Variants in MARCHF1 observed in about 807,000 individuals in gnomAD.
MARCHF1 encodes the protein E3 ubiquitin-protein ligase MARCHF1.
Under a neutral mutation model 54.2 loss-of-function variants are expected in MARCHF1, and 40 were observed. The ratio of observed to expected loss-of-function variants is 0.74; its 90% CI spans 0.57 to 0.96. The LOEUF (loss-of-function observed/expected upper bound fraction) is 0.96. Among genes scored for constraint, MARCHF1 ranks in the 40% least tolerant of loss-of-function variants. MARCHF1 has a pLI of 0.00. For synonymous variants in MARCHF1, 236 were observed against 236.3 expected (o/e 1.00, Z 0.01); for missense variants, 586 against 656.5 (o/e 0.89, Z 1.17).
At chr4:164,069,528 A>G (rs1754814719) in intron 2 of MARCHF1, among the ~76,000 whole-genome samples, 1 of 151,974 alleles carries the variant, frequency 6.6e-6, no homozygotes, top group Non-Finnish European at 1.5e-5. Flanking sequence ...AACTCCAGAC[A>G]CGCCGCCTTA....
intron 1 of MARCHF1, among the ~76,000 whole-genome samples, chr4:164,336,314 A>G (rs191805163): frequency 6.6e-6 from 1 of 152,314 alleles, no homozygotes; most frequent in Non-Finnish European, 1.5e-5. Flanking sequence ...GGTTAAGACA[A>G]AAAAAGGAAT....
intron 7 of MARCHF1, among the ~76,000 whole-genome samples, chr4:163,600,474 G>A (rs148120259): frequency 6.6e-6 from 1 of 152,218 alleles, no homozygotes; most frequent in African/African-American, 2.4e-5. Context: ...ATGTCTCAGG[G>A]CTTTTCTAGC....
intron 1 of MARCHF1, among the ~76,000 whole-genome samples, chr4:164,248,934 C>A (rs1321223721): frequency 6.6e-6 from 1 of 151,734 alleles, no homozygotes; most frequent in East Asian, 1.9e-4. Flanking sequence ...TTTAAAAATT[C>A]ATAATTCATT....
chr4:163,700,773 T>G (rs976639204), intron 5 of MARCHF1, 40 bp downstream of exon 5: 2 of 1,441,090 alleles, frequency 1.4e-6, no homozygotes, highest in African/African-American at 1.4e-5. Flanking sequence ...ACTCATGAAG[T>G]GCAGAAGTCA....
intron 2 of MARCHF1, among the ~76,000 whole-genome samples, chr4:164,069,593 C>T (rs551942795): frequency 2.0e-5 from 3 of 152,168 alleles, no homozygotes; most frequent in Admixed American, 2.0e-4. Context: ...GCCAGTGAGA[C>T]CACGAACCCA....
At chr4:163,718,077 G>A (rs1364223913) in intron 4 of MARCHF1, among the ~76,000 whole-genome samples, 2 of 152,156 alleles carry the variant, frequency 1.3e-5, no homozygotes, top group Non-Finnish European at 2.9e-5. Flanking sequence ...AATCAATGGT[G>A]CTGGGAAAAC....
intron 2 of MARCHF1, among the ~76,000 whole-genome samples, chr4:164,058,818 C>T (rs1185845313): frequency 6.6e-6 from 1 of 152,170 alleles, no homozygotes; most frequent in Non-Finnish European, 1.5e-5. Flanking sequence ...TTGGTAAAGT[C>T]TCTGATGCAA....
intron 8 of MARCHF1, among the ~76,000 whole-genome samples, chr4:163,578,027 G>A (rs1295798329): frequency 6.6e-6 from 1 of 151,920 alleles, no homozygotes; most frequent in Non-Finnish European, 1.5e-5. Context: ...TTGTAAGTGT[G>A]TGTGTGTGTG....
intron 3 of MARCHF1, among the ~76,000 whole-genome samples, chr4:163,917,518 G>T (rs188723994): frequency 6.6e-6 from 1 of 152,144 alleles, no homozygotes; most frequent in South Asian, 2.1e-4. Flanking sequence ...CACATAAAAT[G>T]TTGAGAATCT....
intron 4 of MARCHF1, among the ~76,000 whole-genome samples, chr4:163,724,275 C>T (rs964662676): frequency 1.3e-5 from 2 of 152,188 alleles, no homozygotes; most frequent in African/African-American, 2.4e-5. Context: ...GCTGGAGGTC[C>T]ACTCTAGACC....
chr4:163,545,412 A>C (rs1312112142), intron 9 of MARCHF1, among the ~76,000 whole-genome samples, 184 bp downstream of exon 9: 1 of 152,228 alleles, frequency 6.6e-6, no homozygotes, highest in Non-Finnish European at 1.5e-5. Context: ...GACTCCATAT[A>C]GTTAATGCTT....
chr4:163,888,046 T>C (rs1481032599), intron 3 of MARCHF1, among the ~76,000 whole-genome samples: 1 of 152,210 alleles, frequency 6.6e-6, no homozygotes, highest in African/African-American at 2.4e-5. Context: ...AGGAAAGTAC[T>C]GACTTAAAAA....
At chr4:163,920,807 A>C (rs958025384) in intron 3 of MARCHF1, among the ~76,000 whole-genome samples, 1 of 152,194 alleles carries the variant, frequency 6.6e-6, no homozygotes, top group African/African-American at 2.4e-5. Flanking sequence ...TGCTAAAATA[A>C]ATCTGAAAAA....
At chr4:163,548,801 G>A (rs1214912872) in intron 8 of MARCHF1, among the ~76,000 whole-genome samples, 2 of 105,538 alleles carry the variant, frequency 1.9e-5, no homozygotes, top group East Asian at 5.6e-4. Flanking sequence ...ATTTCAGTAT[G>A]TTTTGCAAGC....
intron 1 of MARCHF1, among the ~76,000 whole-genome samples, chr4:164,359,590 C>T (rs1454124549): frequency 2.0e-5 from 3 of 152,182 alleles, no homozygotes; most frequent in Non-Finnish European, 4.4e-5. Context: ...TAATCAACTA[C>T]AACAGAATAT....
At chr4:163,900,880 A>G (rs1311713783) in intron 3 of MARCHF1, among the ~76,000 whole-genome samples, 2 of 152,214 alleles carry the variant, frequency 1.3e-5, no homozygotes, top group Non-Finnish European at 2.9e-5. Context: ...ATAAATATTA[A>G]TATATCATTT....
chr4:163,649,641 G>A (rs1416563863), intron 5 of MARCHF1, among the ~76,000 whole-genome samples: 1 of 151,882 alleles, frequency 6.6e-6, no homozygotes, highest in Non-Finnish European at 1.5e-5. Context: ...AACAATAAAA[G>A]AACAAATAAA....
At chr4:164,136,925 A>C (rs67921457) in intron 1 of MARCHF1, among the ~76,000 whole-genome samples, 1 of 152,140 alleles carries the variant, frequency 6.6e-6, no homozygotes, top group Admixed American at 6.5e-5. Context: ...ATATCAAAAA[A>C]ATTACACCAT....
rs150342290 is a variant in MARCHF1 at position 163,769,317 on chromosome 4, T to A, written c.112-68454A>T. Among the ~76,000 whole-genome samples, 701 of 152,306 alleles carry A rather than the reference T, an allele frequency of 4.6e-3. 2 individuals carry two copies. The highest frequency in any genetic ancestry group is 0.017 in the Middle Eastern group (5 of 294). ...CATTTTTATGGCAATCACTTAGCTATATGTATCTAAGTGACAGACAATATC... is the reference window on the plus strand; with the variant it reads ...CATTTTTATGGCAATCACTTAGCTAAATGTATCTAAGTGACAGACAATATC... On this transcript the variant is annotated intron_variant, in intron 4 of 9. Coordinates refer to ENST00000514618, the MANE Select transcript of MARCHF1 (RefSeq NM_001394959.1).
Sources: gnomAD v4.1 joint callset for allele counts (sites outside exome capture counted in the v4.1 genomes callset) on GRCh38, gnomAD v4.1.1 for gene constraint, MANE v1.5 for transcripts, NCBI Gene and HGNC (gene_info 2026-07-23, HGNC 2026-07-21) for gene names.